PLEKHA8: variants seen among roughly 807,000 people sequenced by gnomAD.
PLEKHA8 encodes the protein pleckstrin homology domain containing A8.
Under a neutral mutation model 68.2 loss-of-function variants are expected in PLEKHA8, and 36 were observed. That is an observed-to-expected ratio of 0.53 (90% CI 0.40 to 0.70). The LOEUF (loss-of-function observed/expected upper bound fraction) is 0.70. PLEKHA8 is among the 30% of genes least tolerant of loss of function. The probability of loss-of-function intolerance (pLI) is 0.00; values close to 1 mark genes in which losing one functional copy is unlikely to be tolerated. For synonymous variants in PLEKHA8, 211 were observed against 216.1 expected, an observed-to-expected ratio of 0.98 and a Z score of 0.20; for missense variants, 505 against 615.4, an observed-to-expected ratio of 0.82 and a Z score of 1.90.
intron 13 of PLEKHA8, among the ~76,000 whole-genome samples, chr7:30,126,712 A>G (rs765877714): frequency 1.1e-4 from 17 of 152,334 alleles, no homozygotes; most frequent in Non-Finnish European, 2.5e-4. Flanking sequence ...CCTCACAATC[A>G]TGGTGGAAGG....
rs981998836 is a variant in PLEKHA8, at chr7:30,035,805, G to T, written c.40+7003G>T. 9.2e-4 allele frequency among the ~76,000 whole-genome samples: 140 copies of T among 151,664 alleles called. 1 individual carries two copies. The highest frequency in any genetic ancestry group is 2.9e-3 in the African/African-American group (120 of 41,430). ...ATTACAGGCGCCTGCCACCAAGCCCGGCTGATTTTTTTTTGTATTTTTAGT... is the reference window on the plus strand; with the variant it reads ...ATTACAGGCGCCTGCCACCAAGCCCTGCTGATTTTTTTTTGTATTTTTAGT... On this transcript the variant is annotated intron_variant, in intron 1 of 13. Transcript: ENST00000449726.
At chr7:30,074,650 T>C (rs919705304) in intron 13 of PLEKHA8, among the ~76,000 whole-genome samples, 1 of 152,158 alleles carries the variant, frequency 6.6e-6, no homozygotes, top group Non-Finnish European at 1.5e-5. Flanking sequence ...ATTGTATTCA[T>C]TCCTTTTAAT....
chr7:30,091,410 C>CT (rs1795411461), downstream of PLEKHA8, among the ~76,000 whole-genome samples: 2 of 152,010 alleles, frequency 1.3e-5, no homozygotes, highest in Non-Finnish European at 2.9e-5. Context: ...GGTGCTGCTC[C>CT]TTATAATGAC....
At position 30,115,765 on chromosome 7, in the gene PLEKHA8, T is replaced by C. The variant is rs954559505; in HGVS notation, c.1363-13501T>C. The C allele has an allele frequency of 2.7e-5, 4 of 148,480 alleles. 1 individual carries two copies. The highest frequency in any genetic ancestry group is 7.5e-5 in the African/African-American group (3 of 39,844). 9.2% of individuals were successfully genotyped at this position (148,480 alleles called of 1,614,324 possible). ...GTATACATACGTGCACATACATGTA[T>C]ACACGTATGCATGCATACATACGTG... On this transcript the variant is annotated intron_variant, in intron 13 of 13. Transcript: ENST00000396257.
chr7:30,099,827 C>T (rs1026358059), intron 13 of PLEKHA8, among the ~76,000 whole-genome samples: 6 of 152,156 alleles, frequency 3.9e-5, no homozygotes, highest in African/African-American at 9.7e-5. Context: ...AATTCATGAA[C>T]AGCTTGTATA....
chr7:30,048,053 A>C (rs1308936516), intron 4 of PLEKHA8, 97 bp downstream of exon 4: 19 of 674,760 alleles, frequency 2.8e-5, no homozygotes, highest in Non-Finnish European at 3.4e-5. Flanking sequence ...TTATTTTATT[A>C]ATATTACTAA....
rs908216047 is a variant in PLEKHA8 at position 30,074,301 on chromosome 7, T to G, written c.1362+169T>G. ...GTGTGGTGTTTTTGTTTGCTTTGTT[T>G]TTGAGGATAAGAACAAAATGTTATT... On this transcript the variant is annotated intron_variant, in intron 13 of 13. Coordinates refer to ENST00000449726, the MANE Select transcript of PLEKHA8 (RefSeq NM_001197026.2). 2.7e-5 allele frequency among the ~76,000 whole-genome samples: 4 copies of G among 150,782 alleles called. No individual in the cohort carries two copies. In the South Asian group the frequency reaches 8.4e-4, roughly 32 times the overall value.
At chr7:30,067,670 G>A (rs991340042) in intron 12 of PLEKHA8, among the ~76,000 whole-genome samples, 1 of 152,064 alleles carries the variant, frequency 6.6e-6, no homozygotes, top group Admixed American at 6.6e-5. Flanking sequence ...ATATATTTAT[G>A]TGTCCATAAG....
rs901323672 is a variant in PLEKHA8 at position 30,083,547 on chromosome 7, A to G, written c.*4760A>G. 14 of 985,298 alleles carry G rather than the reference A, an allele frequency of 1.4e-5. No homozygotes were observed. The highest frequency in any genetic ancestry group is 1.7e-5 in the Non-Finnish European group (14 of 829,928). The allele number at this position is 985,298 out of a possible 1,614,324, so 61.0% of individuals were successfully genotyped here. On this transcript the variant is annotated 3_prime_UTR_variant, in exon 14 of 14. Transcript: ENST00000449726. ...CTGCTGCATTCAGGCACTCCAGGGCATGATTAAACAGTCATTAACAGTGCC... is the reference window on the plus strand; with the variant it reads ...CTGCTGCATTCAGGCACTCCAGGGCGTGATTAAACAGTCATTAACAGTGCC...
rs1790368588 is a variant in PLEKHA8 at position 30,028,447 on chromosome 7, T to G, written c.-316T>G. 1 of 292,736 alleles carries G rather than the reference T, an allele frequency of 3.4e-6. No individual in the cohort carries two copies. Among genetic ancestry groups the G allele is most frequent in the Non-Finnish European group, 6.3e-6 (1 of 158,292 alleles). The allele number at this position is 292,736 out of a possible 1,614,324, so 18.1% of individuals were successfully genotyped here. A position where few individuals can be genotyped will look rare whatever the true frequency, so the allele number is the denominator to read the frequency against. Reference sequence around the variant, plus strand: ...GGCGCCGCCTGCGACCGGCAGCTCGTTCGCCGCACTTTGGAGGCTTCGGCT... The same window carrying G: ...GGCGCCGCCTGCGACCGGCAGCTCGGTCGCCGCACTTTGGAGGCTTCGGCT... On this transcript the variant is annotated 5_prime_UTR_variant, in exon 1 of 14. Transcript: ENST00000449726.
intron 1 of PLEKHA8, among the ~76,000 whole-genome samples, chr7:30,040,642 TA>T (rs1791459875): frequency 6.6e-6 from 1 of 152,174 alleles, no homozygotes; most frequent in African/African-American, 2.4e-5. Context: ...AATGGAAAAG[TA>T]CTAGGTAAAT....
chr7:30,118,023 G>T, intron 13 of PLEKHA8: 1 of 1,525,102 alleles, frequency 6.6e-7, no homozygotes, highest in East Asian at 2.5e-5. Flanking sequence ...AGAATCAGGC[G>T]GGTGCAGAGT....
intron 12 of PLEKHA8, among the ~76,000 whole-genome samples, chr7:30,067,155 A>C (rs1186832237): frequency 6.6e-6 from 1 of 152,256 alleles, no homozygotes; most frequent in Non-Finnish European, 1.5e-5. Context: ...TGCCTTAAGC[A>C]TAGTCACTAT....
rs1206934835 is a variant in PLEKHA8 at position 30,082,855 on chromosome 7, G to A, written c.*4068G>A. The A allele has an allele frequency of 4.1e-6, 4 of 985,328 alleles. No individual in the cohort carries two copies. The highest frequency in any genetic ancestry group is 1.2e-6 in the Non-Finnish European group (1 of 829,904). 61.0% of individuals were successfully genotyped at this position (985,328 alleles called of 1,614,324 possible). On this transcript the variant is annotated 3_prime_UTR_variant, in exon 14 of 14. Transcript: ENST00000449726. ...CATGAGCAATAGACGATGATGCGAG[G>A]CATTTGGGGAGCTTCCTGGAGGAAA...
At position 30,123,460 on chromosome 7, in the gene PLEKHA8, C is replaced by T. The variant is rs546442053; in HGVS notation, c.1363-5806C>T. ...GTAGATCCTGCAATCAAGGGATCCC[C>T]GTCCTCAAACACAGTGGGGGGCTGA... is the stretch of plus-strand genomic sequence containing the variant. On this transcript the variant is annotated intron_variant, in intron 13 of 13. Coordinates refer to the PLEKHA8 transcript ENST00000396257. Among the ~76,000 whole-genome samples the T allele has an allele frequency of 7.9e-5, 12 of 152,294 alleles. No homozygotes were observed. The South Asian group carries it at 1.4e-3, about 18-fold the overall frequency.
intron 1 of PLEKHA8, among the ~76,000 whole-genome samples, chr7:30,031,897 T>A (rs1052934993): frequency 1.3e-5 from 2 of 152,140 alleles, no homozygotes; most frequent in Non-Finnish European, 2.9e-5. Flanking sequence ...AGTGTATTTC[T>A]AGAAGAGAAA....
At chr7:30,098,947 C>T (rs1005324310) in intron 13 of PLEKHA8, among the ~76,000 whole-genome samples, 2 of 152,220 alleles carry the variant, frequency 1.3e-5, no homozygotes, top group African/African-American at 4.8e-5. Context: ...TCCTATTCGG[C>T]CATCTTGGCT....
intron 9 of PLEKHA8, among the ~76,000 whole-genome samples, chr7:30,060,478 T>G (rs1379939865): frequency 6.6e-6 from 1 of 152,106 alleles, no homozygotes; most frequent in Non-Finnish European, 1.5e-5. Flanking sequence ...AATGAGATAT[T>G]TTGCAATCTC....
chr7:30,095,307 G>A (rs538170298), downstream of PLEKHA8, among the ~76,000 whole-genome samples: 55 of 152,264 alleles, frequency 3.6e-4, 1 homozygote, highest in Middle Eastern at 3.4e-3. Context: ...GTGTTTTTTG[G>A]CTACATAAAT....
Sources: allele counts gnomAD v4.1 joint callset (sites outside exome capture counted in the v4.1 genomes callset), GRCh38; gene constraint gnomAD v4.1.1; transcripts MANE v1.5; gene names NCBI Gene and HGNC (gene_info 2026-07-23, HGNC 2026-07-21).